Variants in MCF2L observed in about 807,000 individuals in gnomAD.
The protein encoded by MCF2L is guanine nucleotide exchange factor DBS.
In MCF2L, 97 loss-of-function variants were observed where a neutral mutation model predicts 153.4. That is an observed-to-expected ratio of 0.63 (90% CI 0.54 to 0.75). The LOEUF is 0.75. Among genes scored for constraint, MCF2L ranks in the 30% least tolerant of loss-of-function variants. MCF2L has a pLI of 0.00. For missense variants in MCF2L, 1,347 were observed against 1,495.2 expected (o/e 0.90, Z 1.64); for synonymous variants, 659 against 632.2 (o/e 1.04, Z -0.64).
rs2081579222 is a variant in MCF2L at position 112,941,976 on chromosome 13, A to G, written c.169+39605A>G. Among the ~76,000 whole-genome samples, 1 of 152,184 alleles carries G rather than the reference A, an allele frequency of 6.6e-6. No homozygotes were observed. Reference sequence around the variant, plus strand: ...AGCGGTAACGCCAGCATCTGGGAAGACGCCCGTTGCCAAGCGGACCATGGT... The same window carrying G: ...AGCGGTAACGCCAGCATCTGGGAAGGCGCCCGTTGCCAAGCGGACCATGGT... On this transcript the variant is annotated intron_variant, in intron 2 of 29. Coordinates refer to the MCF2L transcript ENST00000375608. The surrounding 1 kb of genome is among the most constrained non-coding windows in gnomAD (Gnocchi z 4.9).
At chr13:112,973,197 C>T (rs1053332452) in intron 1 of MCF2L, among the ~76,000 whole-genome samples, 5 of 152,198 alleles carry the variant, frequency 3.3e-5, no homozygotes, top group Non-Finnish European at 7.3e-5. Context: ...CCCTCTCACG[C>T]CTCTGCCTTC....
At chr13:113,082,713 C>T (rs988643971) in intron 17 of MCF2L, among the ~76,000 whole-genome samples, 171 bp downstream of exon 17, 8 of 152,198 alleles carry the variant, frequency 5.3e-5, no homozygotes, top group African/African-American at 1.7e-4. Context: ...ATGGGGCCAT[C>T]TCTGAGCGCC....
At chr13:112,912,958 CTG>C (rs1055617661) in intron 2 of MCF2L, among the ~76,000 whole-genome samples, 3 of 140,776 alleles carry the variant, frequency 2.1e-5, no homozygotes, top group African/African-American at 8.2e-5. Context: ...TGTGGTGTAT[CTG>C]TGTCTGTATG....
chr13:112,895,133 T>G (rs1430970557), intron 1 of MCF2L, among the ~76,000 whole-genome samples: 1 of 152,140 alleles, frequency 6.6e-6, no homozygotes, highest in Non-Finnish European at 1.5e-5. Context: ...GGGCCCTCTG[T>G]GGCTCTTCTC....
At position 113,031,810 on chromosome 13, in the gene MCF2L, A is replaced by G. The variant is rs2085740216; in HGVS notation, c.278+7052A>G. The stretch of plus-strand genomic sequence containing the variant: ...CCGGGACAGGGGTCACATTCAGCCC[A>G]TAAGAGGCATGTACACATACAGATG... On this transcript the variant is annotated intron_variant, in intron 3 of 29. Transcript: ENST00000535094. This position sits in a 1 kb window ranked among gnomAD's most constrained non-coding sequence, Gnocchi z 5.5. Among the ~76,000 whole-genome samples the G allele has an allele frequency of 6.6e-6, 1 of 152,096 alleles. No homozygotes were observed. Among genetic ancestry groups the G allele is most frequent in the Non-Finnish European group, 1.5e-5 (1 of 68,012 alleles).
At chr13:112,980,181 G>C (rs1258220153) in intron 1 of MCF2L, among the ~76,000 whole-genome samples, 1 of 152,232 alleles carries the variant, frequency 6.6e-6, no homozygotes, top group African/African-American at 2.4e-5. Context: ...GCGTGGCCCA[G>C]GCCAGGTGGA....
intron 3 of MCF2L, among the ~76,000 whole-genome samples, chr13:113,033,000 T>C (rs77375434): frequency 0.026 from 1,940 of 75,366 alleles, 25 homozygotes; most frequent in African/African-American, 0.078. Flanking sequence ...GCCCCCGTGA[T>C]GTGAGTGGCC....
In MCF2L at chr13:113,056,384, G is replaced by A. The variant is rs148263954; in HGVS notation, c.370-4209G>A. ...GGTGCTGAGTGTTTAGGTGCTGTGT[G>A]TTTGGGTGCTGAGTGTTTTGGCACT... is the stretch of plus-strand genomic sequence containing the variant. On this transcript the variant is annotated intron_variant, in intron 4 of 29. Transcript: ENST00000535094. 5.3e-3 allele frequency among the ~76,000 whole-genome samples: 807 copies of A among 151,704 alleles called. 5 individuals carry two copies. Among genetic ancestry groups the A allele is most frequent in the Non-Finnish European group, 8.3e-3 (562 of 67,900 alleles).
chr13:112,946,308 C>A, intron 2 of MCF2L, among the ~76,000 whole-genome samples: 1 of 151,416 alleles, frequency 6.6e-6, no homozygotes. Flanking sequence ...ACTATAGTAA[C>A]TTTAATCCCT....
intron 7 of MCF2L, 86 bp downstream of exon 7, chr13:113,065,171 G>A (rs776968870): frequency 1.3e-6 from 2 of 1,522,284 alleles, no homozygotes; most frequent in Non-Finnish European, 9.0e-7. Context: ...AGCTGCGGGG[G>A]GTCTTTCGTC....
chr13:113,060,536 G>C (rs1420555893), intron 4 of MCF2L, 57 bp from the exon 5 acceptor site: 1 of 1,597,322 alleles, frequency 6.3e-7, no homozygotes, highest in Non-Finnish European at 8.5e-7. Context: ...ACCGCACTAG[G>C]GGGGCTGCTG....
chr13:112,998,798 T>C (rs1392585343), intron 1 of MCF2L, among the ~76,000 whole-genome samples: 1 of 152,144 alleles, frequency 6.6e-6, no homozygotes, highest in Non-Finnish European at 1.5e-5. Context: ...AATCGGAAAC[T>C]GGACAGAAAC....
At chr13:112,948,968 A>C (rs541937632) in intron 2 of MCF2L, among the ~76,000 whole-genome samples, 25 of 152,242 alleles carry the variant, frequency 1.6e-4, no homozygotes, top group Admixed American at 1.4e-3. Flanking sequence ...CATGAGGCAC[A>C]GGAGAATTGC....
intron 4 of MCF2L, among the ~76,000 whole-genome samples, chr13:113,050,127 C>T (rs952598912): frequency 6.6e-6 from 1 of 152,134 alleles, no homozygotes; most frequent in African/African-American, 2.4e-5. Flanking sequence ...CAACATCTAA[C>T]CCTCTTCCAC....
At chr13:112,950,498 C>T (rs2081681079) in intron 2 of MCF2L, among the ~76,000 whole-genome samples, 1 of 152,168 alleles carries the variant, frequency 6.6e-6, no homozygotes, top group African/African-American at 2.4e-5. Context: ...ATTATTGCCA[C>T]AGTAATCAGG....
At chr13:112,895,433 A>G (rs1260350390) in intron 1 of MCF2L, among the ~76,000 whole-genome samples, 1 of 152,080 alleles carries the variant, frequency 6.6e-6, no homozygotes, top group Non-Finnish European at 1.5e-5. Flanking sequence ...TGCAGGCTGC[A>G]GAGTGTCGGT....
intron 1 of MCF2L, among the ~76,000 whole-genome samples, chr13:112,970,670 T>C (rs1467138409): frequency 6.6e-6 from 1 of 152,108 alleles, no homozygotes; most frequent in Non-Finnish European, 1.5e-5. Flanking sequence ...TGCATGCCTC[T>C]GCGTGCCGTT....
At chr13:113,060,812 G>A in intron 5 of MCF2L, 100 bp downstream of exon 5, 1 of 1,514,950 alleles carries the variant, frequency 6.6e-7, no homozygotes, top group Non-Finnish European at 8.9e-7. Flanking sequence ...TGACTTCAGG[G>A]CCACACGGTC....
In MCF2L at chr13:112,993,233, C is replaced by T. The variant is rs541514057; in HGVS notation, c.80-21530C>T. On this transcript the variant is annotated intron_variant, in intron 1 of 29. Coordinates refer to ENST00000535094, the MANE Select transcript of MCF2L (RefSeq NM_001112732.3). The surrounding 1 kb of genome is among the most constrained non-coding windows in gnomAD (Gnocchi z 4.6). ...CACGATGGCACAGCCCCGGTGAAGC[C>T]ACGTGATGTCTTCGTGTGAACATGG... 6.6e-6 allele frequency among the ~76,000 whole-genome samples: 1 copy of T among 152,310 alleles called. No individual in the cohort carries two copies. The highest frequency in any genetic ancestry group is 2.4e-5 in the African/African-American group (1 of 41,560).
Sources: gnomAD v4.1 joint callset for allele counts (sites outside exome capture counted in the v4.1 genomes callset) on GRCh38, gnomAD v4.1.1 for gene constraint, Gnocchi (gnomAD v3.1) non-coding constraint, MANE v1.5 for transcripts, NCBI Gene and HGNC (gene_info 2026-07-23, HGNC 2026-07-21) for gene names.